Variants in C12orf42 observed in about 807,000 individuals in gnomAD.
C12orf42 encodes chromosome 12 open reading frame 42.
A neutral mutation model predicts 21.6 loss-of-function variants in C12orf42; 25 were observed. The observed-to-expected ratio is 1.16, with a 90% confidence interval of 0.84 to 1.62. C12orf42 has a LOEUF of 1.62. C12orf42 is among the 40% of genes most tolerant of loss of function. The probability of loss-of-function intolerance (pLI) is 0.00; values close to 1 mark genes in which losing one functional copy is unlikely to be tolerated. For missense variants in C12orf42, 483 were observed against 459.3 expected (o/e 1.05, Z -0.47); for synonymous variants, 174 against 175.0 (o/e 0.99, Z 0.05).
the C12orf42 span, among the ~76,000 whole-genome samples, chr12:103,562,763 T>A: frequency 6.6e-6 from 1 of 152,204 alleles, no homozygotes; most frequent in Non-Finnish European, 1.5e-5. Flanking sequence ...TTCCTCAGAA[T>A]TCTCAGTGGG....
At chr12:103,251,758 T>C (rs911302400) in intron 10 of C12orf42, among the ~76,000 whole-genome samples, 1 of 151,720 alleles carries the variant, frequency 6.6e-6, no homozygotes. Flanking sequence ...TATATATCAA[T>C]TAATCTTCAC....
Position 103,470,476 on chromosome 12 carries a change from C to T in C12orf42, c.78+7873G>A, listed in dbSNP as rs11837626. Among the ~76,000 whole-genome samples, 378 of 152,278 alleles carry T rather than the reference C, an allele frequency of 2.5e-3. 3 individuals are homozygous for T. The highest frequency in any genetic ancestry group is 8.5e-3 in the African/African-American group (353 of 41,556). On this transcript the variant is annotated intron_variant, in intron 2 of 5. Coordinates refer to ENST00000548883, the MANE Select transcript of C12orf42 (RefSeq NM_198521.5). The stretch of plus-strand genomic sequence containing the variant: ...TGAGAACATGAAGGTATAAAGGCCA[C>T]AACTAAAGATTTTGCTTGTTACCAC...
intron 5 of C12orf42, among the ~76,000 whole-genome samples, chr12:103,274,790 T>A (rs1487001866): frequency 1.3e-5 from 2 of 152,202 alleles, no homozygotes; most frequent in Admixed American, 6.5e-5. Context: ...CACAACTGGT[T>A]TAAATTTGAT....
the C12orf42 span, among the ~76,000 whole-genome samples, chr12:103,162,470 A>G: frequency 6.6e-6 from 1 of 151,872 alleles, no homozygotes; most frequent in African/African-American, 2.4e-5. Context: ...CTTCAGTTAC[A>G]ACTGTGAGGG....
chr12:103,239,753 T>C (rs1449000490), intron 10 of C12orf42, among the ~76,000 whole-genome samples: 2 of 152,100 alleles, frequency 1.3e-5, no homozygotes, highest in Non-Finnish European at 2.9e-5. Context: ...TATTGAGACT[T>C]AGTCTACTCA....
chr12:103,228,790 G>A, the C12orf42 span, among the ~76,000 whole-genome samples: 56 of 151,016 alleles, frequency 3.7e-4, no homozygotes, highest in Admixed American at 1.1e-3. Flanking sequence ...CTGTCCCCAT[G>A]CAGATGTCCC....
Position 103,454,050 on chromosome 12 carries a change from G to A in C12orf42, c.78+24299C>T, listed in dbSNP as rs142349834. The stretch of plus-strand genomic sequence containing the variant: ...TCACCTTTTGTAGCCACAGTCCATC[G>A]TACAAGGTCCTGAGCTATAGTTTCC... On this transcript the variant is annotated intron_variant, in intron 2 of 5. Transcript: ENST00000548883. Among the ~76,000 whole-genome samples the A allele has an allele frequency of 1.1e-4, 16 of 152,178 alleles. No homozygotes were observed. In the East Asian group the frequency reaches 2.3e-3, roughly 22 times the overall value.
the C12orf42 span, among the ~76,000 whole-genome samples, chr12:103,070,995 A>C: frequency 6.6e-6 from 1 of 152,172 alleles, no homozygotes; most frequent in African/African-American, 2.4e-5. Context: ...TATTTGCTTT[A>C]ATGCTTGTAC....
intron 2 of C12orf42, among the ~76,000 whole-genome samples, chr12:103,438,763 C>T (rs1265396696): frequency 1.3e-5 from 2 of 151,816 alleles, no homozygotes; most frequent in East Asian, 3.9e-4. Flanking sequence ...AAAGAGGATA[C>T]AAACAAATGG....
chr12:103,326,949 A>G (rs896220818), intron 4 of C12orf42, among the ~76,000 whole-genome samples: 4 of 152,242 alleles, frequency 2.6e-5, no homozygotes, highest in Non-Finnish European at 5.9e-5. Flanking sequence ...AGTGTCCAGC[A>G]TATTAAAAGC....
chr12:103,088,633 A>C, the C12orf42 span, among the ~76,000 whole-genome samples: 15 of 152,296 alleles, frequency 9.8e-5, no homozygotes, highest in African/African-American at 3.1e-4. Context: ...TCCTATATGC[A>C]ATGGAGCTGA....
chr12:103,294,462 G>GAAAA (rs200877929), intron 4 of C12orf42, among the ~76,000 whole-genome samples: 1 of 112,774 alleles, frequency 8.9e-6, no homozygotes, highest in Non-Finnish European at 1.8e-5. Flanking sequence ...AAGAAAGAAA[G>GAAAA]AAAGAAAGAA....
the C12orf42 span, chr12:103,155,411 A>G: frequency 8.5e-5 from 13 of 152,284 alleles, no homozygotes; most frequent in South Asian, 2.7e-3. Context: ...TGTGTCTTCT[A>G]TATAAGCTAT....
chr12:103,443,028 G>A (rs1028527246), intron 2 of C12orf42, among the ~76,000 whole-genome samples: 4 of 151,982 alleles, frequency 2.6e-5, no homozygotes, highest in African/African-American at 7.2e-5. Flanking sequence ...CATGGAAGAC[G>A]GGAAAAAAAG....
the C12orf42 span, among the ~76,000 whole-genome samples, chr12:103,048,635 A>T: frequency 6.6e-6 from 1 of 152,148 alleles, no homozygotes; most frequent in Non-Finnish European, 1.5e-5. Context: ...TCTCCTGAGG[A>T]GTTCAAGAAA....
intron 1 of C12orf42, among the ~76,000 whole-genome samples, chr12:103,490,658 CTTGTT>C (rs1443319931): frequency 6.6e-6 from 1 of 151,756 alleles, no homozygotes; most frequent in Non-Finnish European, 1.5e-5. Context: ...GATAGGTCTC[CTTGTT>C]TTAATTGTAA....
At chr12:103,172,994 G>A in the C12orf42 span, among the ~76,000 whole-genome samples, 94 of 152,188 alleles carry the variant, frequency 6.2e-4, no homozygotes, top group Admixed American at 4.5e-3. Context: ...GTTTTGAAGT[G>A]TGTGTCCACT....
chr12:103,183,598 T>C, the C12orf42 span, among the ~76,000 whole-genome samples: 1 of 152,128 alleles, frequency 6.6e-6, no homozygotes, highest in Non-Finnish European at 1.5e-5. Flanking sequence ...ATTATTTCCT[T>C]TCATTCTTTG....
chr12:103,413,280 TG>T (rs1374475147), intron 2 of C12orf42, among the ~76,000 whole-genome samples: 1 of 152,206 alleles, frequency 6.6e-6, no homozygotes, highest in African/African-American at 2.4e-5. Context: ...GCTTCATTTT[TG>T]AGTTTTCTAT....
Sources: allele counts gnomAD v4.1 joint callset (sites outside exome capture counted in the v4.1 genomes callset), GRCh38; gene constraint gnomAD v4.1.1; transcripts MANE v1.5; gene names NCBI Gene and HGNC (gene_info 2026-07-23, HGNC 2026-07-21).